Variants in RBFOX1 observed in about 807,000 individuals in gnomAD.
RBFOX1 encodes RNA binding protein fox-1 homolog 1.
A neutral mutation model predicts 57.7 loss-of-function variants in RBFOX1; 8 were observed. The observed-to-expected ratio is 0.14, with a 90% CI of 0.08 to 0.25. The LOEUF (loss-of-function observed/expected upper bound fraction) is 0.25, where lower values mean the gene tolerates loss of function less well. Ranked by LOEUF, RBFOX1 falls within the 10% of genes least tolerant of loss-of-function variation. RBFOX1 has a pLI of 1.00. For synonymous variants in RBFOX1, 326 were observed against 222.4 expected, an observed-to-expected ratio of 1.47 and a Z score of -4.15; for missense variants, 611 against 548.5, an observed-to-expected ratio of 1.11 and a Z score of -1.14.
chr16:6,990,606 A>G (rs1193475842), intron 3 of RBFOX1, among the ~76,000 whole-genome samples: 1 of 152,112 alleles, frequency 6.6e-6, no homozygotes, highest in Non-Finnish European at 1.5e-5. Context: ...TACCAAGTAG[A>G]AGTAGCATAT....
At chr16:5,711,634 T>G (rs1243806436) in intron 3 of RBFOX1, among the ~76,000 whole-genome samples, 1 of 152,196 alleles carries the variant, frequency 6.6e-6, no homozygotes, top group Non-Finnish European at 1.5e-5. Context: ...GAGATGGGAC[T>G]GGGGAGGTGA....
chr16:7,167,004 T>G (rs1340832323), intron 4 of RBFOX1, among the ~76,000 whole-genome samples: 1 of 94,588 alleles, frequency 1.1e-5, no homozygotes, highest in Non-Finnish European at 2.2e-5. Flanking sequence ...TTTTTTTTTT[T>G]TTTGACAGTT....
chr16:6,070,605 A>G (rs1320246504), intron 1 of RBFOX1, among the ~76,000 whole-genome samples: 1 of 152,210 alleles, frequency 6.6e-6, no homozygotes, highest in Non-Finnish European at 1.5e-5. Flanking sequence ...GGCTATGGAG[A>G]GGCAAATTCA....
At chr16:7,626,496 G>T (rs187474372) in intron 10 of RBFOX1, among the ~76,000 whole-genome samples, 1 of 152,292 alleles carries the variant, frequency 6.6e-6, no homozygotes. Flanking sequence ...AACGTGACAG[G>T]CTTTGGAACG....
intron 3 of RBFOX1, among the ~76,000 whole-genome samples, chr16:6,787,350 C>T (rs1276989678): frequency 6.6e-6 from 1 of 152,176 alleles, no homozygotes; most frequent in African/African-American, 2.4e-5. Context: ...TAAAGAAGTT[C>T]TTTCAACTTA....
At chr16:5,894,163 A>G (rs376884918) in intron 4 of RBFOX1, among the ~76,000 whole-genome samples, 7 of 152,086 alleles carry the variant, frequency 4.6e-5, no homozygotes, top group African/African-American at 7.2e-5. Flanking sequence ...CTGGAGCTCT[A>G]TTTTCCCCGG....
chr16:6,961,481 G>A (rs1252683503), intron 3 of RBFOX1, among the ~76,000 whole-genome samples: 1 of 152,220 alleles, frequency 6.6e-6, no homozygotes, highest in South Asian at 2.1e-4. Flanking sequence ...CCAAAGGAGG[G>A]TTCTTGGAAA....
intron 3 of RBFOX1, among the ~76,000 whole-genome samples, chr16:5,655,202 C>G (rs1310446959): frequency 6.6e-6 from 1 of 152,212 alleles, no homozygotes; most frequent in East Asian, 1.9e-4. Flanking sequence ...CCATCATATG[C>G]AGAATCTACT....
chr16:5,448,489 C>T (rs1350300158), intron 1 of RBFOX1, among the ~76,000 whole-genome samples: 1 of 152,168 alleles, frequency 6.6e-6, no homozygotes, highest in Non-Finnish European at 1.5e-5. Flanking sequence ...CTGAAAATTA[C>T]CTTACAAAGA....
chr16:5,935,454 A>G (rs982594672), intron 4 of RBFOX1, among the ~76,000 whole-genome samples: 16 of 152,144 alleles, frequency 1.1e-4, no homozygotes, highest in African/African-American at 3.4e-4. Flanking sequence ...GGTTTGAATA[A>G]TGGCAGAGAG....
At chr16:6,096,837 A>G (rs2096250536) in intron 1 of RBFOX1, among the ~76,000 whole-genome samples, 2 of 152,216 alleles carry the variant, frequency 1.3e-5, no homozygotes, top group Admixed American at 6.5e-5. Flanking sequence ...TTCATTGGCC[A>G]GGTCATCAGC....
At chr16:6,798,308 C>A (rs2084569307) in intron 3 of RBFOX1, among the ~76,000 whole-genome samples, 1 of 152,008 alleles carries the variant, frequency 6.6e-6, no homozygotes, top group African/African-American at 2.4e-5. Flanking sequence ...TAGAAACTTG[C>A]ATTTTTGATA....
chr16:6,406,669 G>A (rs772525463), intron 2 of RBFOX1, among the ~76,000 whole-genome samples: 12 of 151,376 alleles, frequency 7.9e-5, no homozygotes, highest in East Asian at 7.8e-4. Flanking sequence ...TCCTATGCTC[G>A]GTCAATTTTT....
At position 5,419,368 on chromosome 16, in the gene RBFOX1, G is replaced by A. The variant is rs145232211; in HGVS notation, c.220-47848G>A. Among the ~76,000 whole-genome samples, 509 of 152,242 alleles carry A rather than the reference G, an allele frequency of 3.3e-3. 11 individuals carry two copies. The South Asian group carries it at 0.044, about 13-fold the overall frequency. On this transcript the variant is annotated intron_variant, in intron 1 of 2. Coordinates refer to the RBFOX1 transcript ENST00000585867. Reference sequence around the variant, plus strand: ...CAGGAAGCATCCAGCACGAGAGAAAGATGTGGGCTGGGGGAGGCTAAAGAA... The same window carrying A: ...CAGGAAGCATCCAGCACGAGAGAAAAATGTGGGCTGGGGGAGGCTAAAGAA...
intron 2 of RBFOX1, among the ~76,000 whole-genome samples, chr16:6,643,342 T>C (rs2098507665): frequency 6.6e-6 from 1 of 152,184 alleles, no homozygotes; most frequent in Non-Finnish European, 1.5e-5. Context: ...GTGAATAAAA[T>C]CTATCACTGC....
At chr16:5,646,857 T>C (rs112155188) in intron 3 of RBFOX1, among the ~76,000 whole-genome samples, 5,643 of 152,094 alleles carry the variant, frequency 0.037, 163 homozygotes, top group Middle Eastern at 0.051. Context: ...ATGGTCTCAA[T>C]CTCTTGACCT....
intron 1 of RBFOX1, among the ~76,000 whole-genome samples, chr16:5,459,556 A>G (rs963299774): frequency 6.6e-6 from 1 of 151,974 alleles, no homozygotes; most frequent in Non-Finnish European, 1.5e-5. Context: ...CCGCATGTCC[A>G]CTTGTCTCAT....
chr16:7,095,994 C>T (rs372430430), intron 4 of RBFOX1, among the ~76,000 whole-genome samples: 79 of 122,812 alleles, frequency 6.4e-4, no homozygotes, highest in African/African-American at 2.6e-3. Flanking sequence ...GCCTGGGCAA[C>T]AGAGTGAGAC....
At chr16:6,865,465 C>G (rs562001344) in intron 3 of RBFOX1, among the ~76,000 whole-genome samples, 6 of 152,230 alleles carry the variant, frequency 3.9e-5, no homozygotes, top group African/African-American at 1.4e-4. Context: ...TCTAGCCCCA[C>G]ACACCCAGGC....
Sources: gnomAD v4.1 joint callset for allele counts (sites outside exome capture counted in the v4.1 genomes callset) on GRCh38, gnomAD v4.1.1 for gene constraint, MANE v1.5 for transcripts, NCBI Gene and HGNC (gene_info 2026-07-23, HGNC 2026-07-21) for gene names.